The following MFAP2 variants were observed in gnomAD, a reference collection of about 807,000 sequenced individuals.
MFAP2 encodes microfibrillar-associated protein 2.
In MFAP2, 23 loss-of-function variants were observed where a neutral mutation model predicts 30.6. The observed-to-expected ratio is 0.75, with a 90% CI of 0.54 to 1.07. MFAP2 has a LOEUF of 1.07. Among genes scored for constraint, MFAP2 ranks in the 50% least tolerant of loss-of-function variants. MFAP2 has a pLI of 0.00. For synonymous variants in MFAP2, 73 were observed against 85.7 expected (o/e 0.85, Z 0.82); for missense variants, 198 against 223.8 (o/e 0.88, Z 0.74).
chr1:16,976,455 C>T lies in MFAP2; in HGVS notation c.286+46G>A, dbSNP rs768096255. 29 of 1,613,568 alleles carry T rather than the reference C, an allele frequency of 1.8e-5. No individual in the cohort carries two copies. Among genetic ancestry groups the T allele is most frequent in the Non-Finnish European group, 1.9e-5 (22 of 1,179,442 alleles). ...AGCACCACCCCCTACTCCACCCCAA[C>T]TTCAGGGCGTGCCTCCATTTTTCCA... On this transcript the variant is annotated intron_variant, in intron 6 of 8. Transcript: ENST00000375535. This position sits in a 1 kb window ranked among gnomAD's most constrained non-coding sequence, Gnocchi z 5.5.
rs3830850 is a variant in MFAP2, at chr1:16,975,405, AGACAGAACCTGGCACGGGAGCCCG to A, written c.375-87_375-64del. ...CCACCCAATCCCACTGGGATAGCCC[AGACAGAACCTGGCACGGGAGCCCG>A]GACAGAACCTGGCACGGGAGCCCGG... On this transcript the variant is annotated intron_variant, in intron 7 of 8. Transcript: ENST00000375535. The surrounding 1 kb of genome is among the most constrained non-coding windows in gnomAD (Gnocchi z 5.0). The A allele has an allele frequency of 0.17, 248,116 of 1,461,794 alleles. 41,456 individuals are homozygous for A. The highest frequency in any genetic ancestry group is 0.51 in the East Asian group (21,576 of 42,442). 90.6% of individuals were successfully genotyped at this position (1,461,794 alleles called of 1,614,324 possible). A position where few individuals can be genotyped will look rare whatever the true frequency, so the allele number is the denominator to read the frequency against.
At position 16,975,551 on chromosome 1, in the gene MFAP2, C is replaced by T. The variant is rs945544359; in HGVS notation, c.374+92G>A. ...ACTTAAGGACTCACTATCTTTCCTC[C>T]AACTCCCACCTTGGCGGGCCAGAGC... On this transcript the variant is annotated intron_variant, in intron 7 of 8. Coordinates refer to ENST00000375535, the MANE Select transcript of MFAP2 (RefSeq NM_002403.4). This position sits in a 1 kb window ranked among gnomAD's most constrained non-coding sequence, Gnocchi z 5.0. 5.8e-6 allele frequency: 8 copies of T among 1,389,960 alleles called. No homozygotes were observed. The African/African-American group carries it at 1.1e-4, about 20-fold the overall frequency. The allele number at this position is 1,389,960 out of a possible 1,614,324, so 86.1% of individuals were successfully genotyped here.
chr1:16,975,648 G>C lies in MFAP2; in HGVS notation c.369C>G (p.Phe123Leu), dbSNP rs766839345. The C allele has an allele frequency of 1.2e-6, 2 of 1,614,004 alleles. No homozygotes were observed. Among genetic ancestry groups the C allele is most frequent in the South Asian group, 1.1e-5 (1 of 91,060 alleles). The change falls in exon 7 of 9, where the codon TTC becomes TTG. Residue 123 changes from phenylalanine (F) to leucine (L), a missense_variant. Transcript: ENST00000375535. This position sits in a 1 kb window ranked among gnomAD's most constrained non-coding sequence, Gnocchi z 5.0. ...PCKQCLNEVC[F>L]YSLRRVYVIN... ...AGCTGCCCATCTGTGCTCACCTGTAGAAGCAGACCTCGTTGAGACACTGTT... is the reference window on the plus strand; with the variant it reads ...AGCTGCCCATCTGTGCTCACCTGTACAAGCAGACCTCGTTGAGACACTGTT...
At position 16,975,057 on chromosome 1, in the gene MFAP2, G is replaced by A; in HGVS notation, c.449-34C>T. 1.0e-6 allele frequency: 1 copy of A among 993,716 alleles called. No homozygotes were observed. The highest frequency in any genetic ancestry group is 1.6e-6 in the Non-Finnish European group (1 of 641,940). The allele number at this position is 993,716 out of a possible 1,614,324, so 61.6% of individuals were successfully genotyped here. A position where few individuals can be genotyped will look rare whatever the true frequency, so the allele number is the denominator to read the frequency against. ...GGCAGGAAGGAGGCAGGGTCAGGGT[G>A]GAGCTGGGTGATGGGAACCGCTGCC... On this transcript the variant is annotated intron_variant, in intron 8 of 8. Transcript: ENST00000375535. This position sits in a 1 kb window ranked among gnomAD's most constrained non-coding sequence, Gnocchi z 5.0.
intron 1 of MFAP2, among the ~76,000 whole-genome samples, chr1:16,980,368 G>A (rs1195892039): frequency 5.3e-5 from 8 of 149,962 alleles, no homozygotes; most frequent in African/African-American, 2.0e-4. Context: ...CCAAACTCGG[G>A]CTCCCCGCCC....
chr1:16,975,236 A>AC lies in MFAP2; in HGVS notation c.448+32dup, dbSNP rs2076578644. Reference sequence around the variant, plus strand: ...GCCAGATAATGATGCGGGTGTGGGGACAGGGGAGGTCTTGGGGAGGTGGCC... The same window carrying AC: ...GCCAGATAATGATGCGGGTGTGGGGACCAGGGGAGGTCTTGGGGAGGTGGCC... On this transcript the variant is annotated intron_variant, in intron 8 of 8. Coordinates refer to ENST00000375535, the MANE Select transcript of MFAP2 (RefSeq NM_002403.4). This position sits in a 1 kb window ranked among gnomAD's most constrained non-coding sequence, Gnocchi z 5.0. 6 of 1,593,244 alleles carry AC rather than the reference A, an allele frequency of 3.8e-6. No homozygotes were observed. The highest frequency in any genetic ancestry group is 5.2e-6 in the Non-Finnish European group (6 of 1,163,394).
Position 16,976,652 on chromosome 1 carries a change from G to A in MFAP2, c.241+56C>T. ...AGACCCCCACTCCCAGGGTTGACAG[G>A]GTGGGGAGGGGTGAGGCAGGAGCTG... is the stretch of plus-strand genomic sequence containing the variant. On this transcript the variant is annotated intron_variant, in intron 5 of 8. Coordinates refer to ENST00000375535, the MANE Select transcript of MFAP2 (RefSeq NM_002403.4). This position sits in a 1 kb window ranked among gnomAD's most constrained non-coding sequence, Gnocchi z 5.5. 1 of 1,608,842 alleles carries A rather than the reference G, an allele frequency of 6.2e-7. No individual in the cohort carries two copies. The highest frequency in any genetic ancestry group is 2.2e-5 in the East Asian group (1 of 44,816).
At chr1:16,980,196 G>A (rs937310521) in intron 1 of MFAP2, among the ~76,000 whole-genome samples, 2 of 151,676 alleles carry the variant, frequency 1.3e-5, no homozygotes, top group Non-Finnish European at 2.9e-5. Flanking sequence ...AACTTGCTCC[G>A]CGCGCCCTCG....
rs767206138 is a variant in MFAP2 at position 16,976,796 on chromosome 1, T to C, written c.155-2A>G. ...CCTCGGAGGGCCGAGGAGTCACCTC[T>C]GCAGCCAGGGGAGGATAAGGGGGTC... On this transcript the variant is annotated splice_acceptor_variant, in intron 4 of 8. Transcript: ENST00000375535. LOFTEE classifies it high-confidence loss of function. The surrounding 1 kb of genome is among the most constrained non-coding windows in gnomAD (Gnocchi z 5.5). 6.2e-7 allele frequency: 1 copy of C among 1,614,050 alleles called. No individual in the cohort carries two copies. Among genetic ancestry groups the C allele is most frequent in the Non-Finnish European group, 8.5e-7 (1 of 1,179,968 alleles).
chr1:16,981,364 C>T (rs2076637049), upstream of MFAP2, among the ~76,000 whole-genome samples: 2 of 152,268 alleles, frequency 1.3e-5, no homozygotes, highest in East Asian at 1.9e-4. Flanking sequence ...AACAAGCATC[C>T]AAGTCCAAAT....
Position 16,975,921 on chromosome 1 carries a change from C to T in MFAP2, c.287-191G>A, listed in dbSNP as rs560691447. On this transcript the variant is annotated intron_variant, in intron 6 of 8. Transcript: ENST00000375535. This position sits in a 1 kb window ranked among gnomAD's most constrained non-coding sequence, Gnocchi z 5.0. ...TCCCAGGGCTGTAATATTCACGTATCAATTCACAACCGCACTTACTATAGA... is the reference window on the plus strand; with the variant it reads ...TCCCAGGGCTGTAATATTCACGTATTAATTCACAACCGCACTTACTATAGA... 1.1e-4 allele frequency among the ~76,000 whole-genome samples: 16 copies of T among 152,220 alleles called. No homozygotes were observed. The South Asian group carries it at 3.3e-3, about 32-fold the overall frequency.
rs1274975084 is a variant in MFAP2 at position 16,976,596 on chromosome 1, G to A, written c.242-51C>T. 7.4e-6 allele frequency: 12 copies of A among 1,613,408 alleles called. No individual in the cohort carries two copies. The highest frequency in any genetic ancestry group is 1.0e-5 in the Non-Finnish European group (12 of 1,179,470). ...ACATCACTGGGAGGGGTCTCCTCAG[G>A]GCAAGGGGAGTCACCTCTCCCAGCC... On this transcript the variant is annotated intron_variant, in intron 5 of 8. Coordinates refer to ENST00000375535, the MANE Select transcript of MFAP2 (RefSeq NM_002403.4). This position sits in a 1 kb window ranked among gnomAD's most constrained non-coding sequence, Gnocchi z 5.5.
rs2076591227 is a variant in MFAP2, at chr1:16,976,343, G to A, written c.286+158C>T. ...GTGGGACCTCCTGGAGCTGCCTGGGGGGCCTGGTGATGCCAGCCTACGGCA... is the reference window on the plus strand; with the variant it reads ...GTGGGACCTCCTGGAGCTGCCTGGGAGGCCTGGTGATGCCAGCCTACGGCA... On this transcript the variant is annotated intron_variant, in intron 6 of 8. Coordinates refer to ENST00000375535, the MANE Select transcript of MFAP2 (RefSeq NM_002403.4). This position sits in a 1 kb window ranked among gnomAD's most constrained non-coding sequence, Gnocchi z 5.5. 2 of 902,232 alleles carry A rather than the reference G, an allele frequency of 2.2e-6. No individual in the cohort carries two copies. Among genetic ancestry groups the A allele is most frequent in the Non-Finnish European group, 3.5e-6 (2 of 563,788 alleles). The allele number at this position is 902,232 out of a possible 1,614,324, so 55.9% of individuals were successfully genotyped here.
At chr1:16,981,502 C>G (rs1028373810), upstream of MFAP2, among the ~76,000 whole-genome samples, 1 of 152,198 alleles carries the variant, frequency 6.6e-6, no homozygotes, top group Non-Finnish European at 1.5e-5. Context: ...AGCACCCACC[C>G]GTGAATGCTA....
Position 16,976,050 on chromosome 1 carries a change from G to C in MFAP2, c.287-320C>G. ...CACGCTCACAGAAGCCCACATAGGA[G>C]CGCTCACACCAACCCACACGAGAGT... On this transcript the variant is annotated intron_variant, in intron 6 of 8. Coordinates refer to ENST00000375535, the MANE Select transcript of MFAP2 (RefSeq NM_002403.4). The surrounding 1 kb of genome is among the most constrained non-coding windows in gnomAD (Gnocchi z 5.5). The C allele has an allele frequency of 2.1e-6, 1 of 471,602 alleles. No individual in the cohort carries two copies. The highest frequency in any genetic ancestry group is 3.8e-6 in the Non-Finnish European group (1 of 259,886). 29.2% of individuals were successfully genotyped at this position (471,602 alleles called of 1,614,324 possible).
At chr1:16,978,408 G>A (rs1029571557) in intron 1 of MFAP2, 94 bp from the exon 2 acceptor site, 4 of 1,075,638 alleles carry the variant, frequency 3.7e-6, no homozygotes, top group African/African-American at 3.2e-5. Flanking sequence ...GGAGAAGGTG[G>A]CACCCAGAAT....
At chr1:16,980,018 G>A (rs2076624098) in intron 1 of MFAP2, among the ~76,000 whole-genome samples, 1 of 147,574 alleles carries the variant, frequency 6.8e-6, no homozygotes, top group Admixed American at 6.7e-5. Flanking sequence ...CCCCACCCCC[G>A]ACTCCCCTGC....
At position 16,975,676 on chromosome 1, in the gene MFAP2, C is replaced by A. The variant is rs1448234227; in HGVS notation, c.341G>T (p.Cys114Phe). The change falls in exon 7 of 9, where the codon TGC becomes TTC. Residue 114 changes from cysteine (C) to phenylalanine (F), a missense_variant. Cys to Phe is a radical substitution (Grantham distance 205). Coordinates refer to ENST00000375535, the MANE Select transcript of MFAP2 (RefSeq NM_002403.4). The surrounding 1 kb of genome is among the most constrained non-coding windows in gnomAD (Gnocchi z 5.0). ...GCAGACCTCGTTGAGACACTGTTTG[C>A]AAGGCCTGTGTATGGAGTAGAGGCG... ...CTRLYSIHRP[C>F]KQCLNEVCFY... 1 of 1,613,946 alleles carries A rather than the reference C, an allele frequency of 6.2e-7. No homozygotes were observed. Among genetic ancestry groups the A allele is most frequent in the African/African-American group, 1.3e-5 (1 of 74,910 alleles).
chr1:16,976,533 G>A lies in MFAP2; in HGVS notation c.254C>T (p.Ala85Val), dbSNP rs749432846. The A allele has an allele frequency of 2.5e-6, 4 of 1,614,222 alleles. No individual in the cohort carries two copies. Among genetic ancestry groups the A allele is most frequent in the Non-Finnish European group, 3.4e-6 (4 of 1,180,034 alleles). ...CCCAGGCTCTGTGGGCTCCAGCTCT[G>A]CATTTCCTGGTTCTGGTGTGGAGAC... ...IPAPTPEPGN[A>V]ELEPTEPGPL... Residue 85 changes from alanine to valine, a missense_variant, in exon 6 of 9, where the codon GCA becomes GTA. Coordinates refer to ENST00000375535, the MANE Select transcript of MFAP2 (RefSeq NM_002403.4). This position sits in a 1 kb window ranked among gnomAD's most constrained non-coding sequence, Gnocchi z 5.5.
Sources: allele counts gnomAD v4.1 joint callset (sites outside exome capture counted in the v4.1 genomes callset), GRCh38; gene constraint gnomAD v4.1.1; non-coding constraint Gnocchi (gnomAD v3.1); transcripts MANE v1.5; gene names NCBI Gene and HGNC (gene_info 2026-07-23, HGNC 2026-07-21).